The following AP3S1 variants were observed in gnomAD, a reference collection of about 807,000 sequenced individuals.
AP3S1 encodes the protein AP-3 complex subunit sigma-1.
Under a neutral mutation model 21.3 loss-of-function variants are expected in AP3S1, and 12 were observed. The ratio of observed to expected loss-of-function variants is 0.56; its 90% CI spans 0.36 to 0.91. AP3S1 has a LOEUF of 0.91. Ranked by LOEUF, AP3S1 falls within the 40% of genes least tolerant of loss-of-function variation. The pLI is 0.01. For synonymous variants in AP3S1, 48 were observed against 78.4 expected (o/e 0.61, Z 2.05); for missense variants, 116 against 225.0 (o/e 0.52, Z 3.10).
intron 3 of AP3S1, among the ~76,000 whole-genome samples, chr5:115,881,980 C>T (rs894864513): frequency 1.3e-5 from 2 of 151,594 alleles, no homozygotes; most frequent in Admixed American, 6.6e-5. Flanking sequence ...CTTTCTTCTG[C>T]TTGATTGATT....
intron 3 of AP3S1, among the ~76,000 whole-genome samples, chr5:115,888,106 T>C (rs1749957288): frequency 6.6e-6 from 1 of 152,102 alleles, no homozygotes; most frequent in African/African-American, 2.4e-5. Context: ...AGAGTTTAGG[T>C]CTTTGGTTTT....
chr5:115,905,380 A>T (rs764058187), intron 5 of AP3S1, among the ~76,000 whole-genome samples: 2 of 152,220 alleles, frequency 1.3e-5, no homozygotes, highest in Admixed American at 6.5e-5. Flanking sequence ...ACTGGTGATT[A>T]CTTCTATTAT....
At position 115,892,577 on chromosome 5, in the gene AP3S1, C is replaced by T. The variant is rs144346790; in HGVS notation, c.274-2510C>T. 2.0e-5 allele frequency among the ~76,000 whole-genome samples: 3 copies of T among 152,244 alleles called. No individual in the cohort carries two copies. In the East Asian group the frequency reaches 5.8e-4, roughly 29 times the overall value. On this transcript the variant is annotated intron_variant, in intron 3 of 5. Coordinates refer to ENST00000316788, the MANE Select transcript of AP3S1 (RefSeq NM_001284.4). ...CACAGAAAGACAAACATCATATGTT[C>T]TCCTTACTTTTAGGATCTAAAAGTC...
chr5:115,875,698 C>T (rs933694657), intron 3 of AP3S1, among the ~76,000 whole-genome samples: 2 of 152,136 alleles, frequency 1.3e-5, no homozygotes, highest in Admixed American at 1.3e-4. Context: ...CAAGTGAATG[C>T]CCAGGATCAT....
chr5:115,873,125 T>G (rs1318845520), intron 3 of AP3S1, among the ~76,000 whole-genome samples: 1 of 152,178 alleles, frequency 6.6e-6, no homozygotes, highest in African/African-American at 2.4e-5. Context: ...TATGCTTGCG[T>G]CCTGAGATTA....
intron 5 of AP3S1, among the ~76,000 whole-genome samples, chr5:115,906,211 TGAAAA>T (rs1019116486): frequency 8.5e-5 from 13 of 152,178 alleles, no homozygotes; most frequent in Non-Finnish European, 1.0e-4. Flanking sequence ...TCATGATTGA[TGAAAA>T]GAACTGGTTA....
chr5:115,876,604 C>T (rs1580680054), intron 3 of AP3S1, among the ~76,000 whole-genome samples: 1 of 152,096 alleles, frequency 6.6e-6, no homozygotes, highest in African/African-American at 2.4e-5. Flanking sequence ...GCCACTTGTC[C>T]CATTCAAATG....
intron 4 of AP3S1, among the ~76,000 whole-genome samples, chr5:115,897,418 C>T (rs1375997156): frequency 3.3e-5 from 5 of 152,090 alleles, no homozygotes; most frequent in Admixed American, 2.0e-4. Flanking sequence ...CCTTTCTATT[C>T]GCCAAGACAA....
At chr5:115,911,963 C>G (rs1421281604) in intron 5 of AP3S1, 1 of 151,932 alleles carries the variant, frequency 6.6e-6, no homozygotes. Flanking sequence ...TCACTCTTAT[C>G]ATTGCCTGTG....
chr5:115,842,729 T>A (rs1009565401), intron 1 of AP3S1, among the ~76,000 whole-genome samples: 5 of 152,258 alleles, frequency 3.3e-5, no homozygotes, highest in African/African-American at 1.2e-4. Context: ...CTGCCCAGTG[T>A]GACTTTCAGG....
intron 1 of AP3S1, among the ~76,000 whole-genome samples, chr5:115,850,746 G>T (rs562059776): frequency 6.6e-6 from 1 of 152,050 alleles, no homozygotes; most frequent in Admixed American, 6.6e-5. Flanking sequence ...ACATACCATC[G>T]ACCTAAAAGG....
At chr5:115,873,985 A>G (rs1748493215) in intron 3 of AP3S1, among the ~76,000 whole-genome samples, 1 of 152,148 alleles carries the variant, frequency 6.6e-6, no homozygotes, top group East Asian at 1.9e-4. Context: ...TCTCTAAGGT[A>G]TGCATATGTT....
At chr5:115,891,207 T>C (rs749174075) in intron 3 of AP3S1, among the ~76,000 whole-genome samples, 1 of 152,212 alleles carries the variant, frequency 6.6e-6, no homozygotes, top group Non-Finnish European at 1.5e-5. Flanking sequence ...ATCTCACTTG[T>C]GGCTGACCTG....
intron 3 of AP3S1, among the ~76,000 whole-genome samples, chr5:115,871,039 T>G (rs1748190429): frequency 6.6e-6 from 1 of 152,188 alleles, no homozygotes; most frequent in African/African-American, 2.4e-5. Context: ...AACGCCAAGT[T>G]TAGGGAACTG....
chr5:115,845,491 T>C lies in AP3S1; in HGVS notation c.69+3385T>C, dbSNP rs150583525. Among the ~76,000 whole-genome samples the C allele has an allele frequency of 3.1e-3, 473 of 152,190 alleles. 1 individual carries two copies. The highest frequency in any genetic ancestry group is 4.8e-3 in the South Asian group (23 of 4,826). ...TGAGAAATAGGAAGTTGCGCACCTG[T>C]TTTGCTAAACAGAAGTTTTGGTTCA... On this transcript the variant is annotated intron_variant, in intron 1 of 5. Transcript: ENST00000316788.
chr5:115,908,841 A>AT (rs1478052313), intron 5 of AP3S1: 4 of 306,822 alleles, frequency 1.3e-5, no homozygotes, highest in Non-Finnish European at 1.4e-5. Flanking sequence ...GTGTTGAGGG[A>AT]TTTTTTAAAC....
chr5:115,891,122 G>C (rs1750261671), intron 3 of AP3S1, among the ~76,000 whole-genome samples: 1 of 152,138 alleles, frequency 6.6e-6, no homozygotes, highest in Non-Finnish European at 1.5e-5. Context: ...GCCTTGAGGA[G>C]AAATAGATAA....
intron 2 of AP3S1, among the ~76,000 whole-genome samples, chr5:115,868,740 G>C (rs1402037618): frequency 6.6e-6 from 1 of 151,850 alleles, no homozygotes; most frequent in Non-Finnish European, 1.5e-5. Context: ...AAATCAGCCA[G>C]GTGTGGTGGT....
At chr5:115,905,851 G>A (rs185231507) in intron 5 of AP3S1, among the ~76,000 whole-genome samples, 34 of 152,192 alleles carry the variant, frequency 2.2e-4, no homozygotes, top group African/African-American at 7.2e-4. Context: ...TATTATATAA[G>A]GACAAACTTA....
Sources: allele counts gnomAD v4.1 joint callset (sites outside exome capture counted in the v4.1 genomes callset), GRCh38; gene constraint gnomAD v4.1.1; transcripts MANE v1.5; gene names NCBI Gene and HGNC (gene_info 2026-07-23, HGNC 2026-07-21).